CPE: variants seen among roughly 807,000 people sequenced by gnomAD.
CPE encodes the protein carboxypeptidase E.
Under a neutral mutation model 53.5 loss-of-function variants are expected in CPE, and 17 were observed. The ratio of observed to expected loss-of-function variants is 0.32; its 90% CI spans 0.22 to 0.48. The LOEUF (loss-of-function observed/expected upper bound fraction) is 0.48, where lower values mean the gene tolerates loss of function less well. Ranked by LOEUF, CPE falls within the 20% of genes least tolerant of loss-of-function variation. The probability of loss-of-function intolerance (pLI) is 0.99; values close to 1 mark genes in which losing one functional copy is unlikely to be tolerated. For synonymous variants in CPE, 226 were observed against 228.8 expected, an observed-to-expected ratio of 0.99 and a Z score of 0.11; for missense variants, 524 against 614.7, an observed-to-expected ratio of 0.85 and a Z score of 1.56.
chr4:165,420,878 A>G (rs1731199684), intron 1 of CPE, among the ~76,000 whole-genome samples: 1 of 152,156 alleles, frequency 6.6e-6, no homozygotes, highest in Admixed American at 6.5e-5. Flanking sequence ...CTAAAAGTAA[A>G]CTTTGGAGCA....
chr4:165,458,886 A>G (rs185181044), intron 1 of CPE, among the ~76,000 whole-genome samples: 143 of 152,338 alleles, frequency 9.4e-4, no homozygotes, highest in African/African-American at 3.2e-3. Context: ...TTTTCTTTTC[A>G]TAGGAGTGGA....
At chr4:165,405,061 A>G (rs1730930815) in intron 1 of CPE, 4 of 720,044 alleles carry the variant, frequency 5.6e-6, no homozygotes, top group South Asian at 3.1e-5. Flanking sequence ...AACCTTGGTA[A>G]TCAAGCTTCC....
intron 1 of CPE, among the ~76,000 whole-genome samples, chr4:165,449,765 G>C (rs1259454704): frequency 6.6e-6 from 1 of 151,570 alleles, no homozygotes; most frequent in Non-Finnish European, 1.5e-5. Flanking sequence ...TCTGGGTTTG[G>C]GGCACATTGC....
chr4:165,444,091 C>T (rs962345001), intron 1 of CPE, among the ~76,000 whole-genome samples: 1 of 152,108 alleles, frequency 6.6e-6, no homozygotes, highest in Non-Finnish European at 1.5e-5. Flanking sequence ...TTTGTTGTAA[C>T]AGCCTGAATG....
At chr4:165,382,071 A>G (rs1730512189) in intron 1 of CPE, among the ~76,000 whole-genome samples, 1 of 152,350 alleles carries the variant, frequency 6.6e-6, no homozygotes, top group African/African-American at 2.4e-5. Flanking sequence ...AGGCTGCAAG[A>G]TCGGCTTTGG....
rs1027815833 is a variant in CPE at position 165,411,707 on chromosome 4, A to C, written c.307+32179A>C. Among the ~76,000 whole-genome samples the C allele has an allele frequency of 2.0e-5, 3 of 152,208 alleles. No homozygotes were observed. In the South Asian group the frequency reaches 6.2e-4, roughly 31 times the overall value. ...GTGGAATGTAGGGCACATGGCAAAC[A>C]GATCTGGTTTATCTGATCAAGTGAT... On this transcript the variant is annotated intron_variant, in intron 1 of 8. Coordinates refer to ENST00000402744, the MANE Select transcript of CPE (RefSeq NM_001873.4).
At position 165,487,806 on chromosome 4, in the gene CPE, G is replaced by A. The variant is rs115351439; in HGVS notation, c.1113+229G>A. ...AAACTGGAGAGTATACAGAAAAGAC[G>A]TAGACTCTCGTTTCTGTTTGTATTA... On this transcript the variant is annotated intron_variant, in intron 6 of 8. Coordinates refer to ENST00000402744, the MANE Select transcript of CPE (RefSeq NM_001873.4). 7.3e-3 allele frequency among the ~76,000 whole-genome samples: 1,105 copies of A among 152,162 alleles called. 17 individuals are homozygous for A. Among genetic ancestry groups the A allele is most frequent in the African/African-American group, 0.025 (1,036 of 41,504 alleles).
At chr4:165,448,121 A>C (rs1731747772) in intron 1 of CPE, among the ~76,000 whole-genome samples, 1 of 152,172 alleles carries the variant, frequency 6.6e-6, no homozygotes, top group Non-Finnish European at 1.5e-5. Context: ...GTATTTATAA[A>C]AGGAATTGTT....
At chr4:165,442,503 A>G (rs867691026) in intron 1 of CPE, among the ~76,000 whole-genome samples, 13 of 152,206 alleles carry the variant, frequency 8.5e-5, no homozygotes, top group Admixed American at 5.2e-4. Context: ...TGCTAAATTC[A>G]GTTTCCAGAT....
chr4:165,467,983 A>G lies in CPE; in HGVS notation c.672+128A>G. ...GTATGGGGTGGTTAACTGTGGCTTTAAGTCAAGGCTGGAAGGGCTGGTGCC... is the reference window on the plus strand; with the variant it reads ...GTATGGGGTGGTTAACTGTGGCTTTGAGTCAAGGCTGGAAGGGCTGGTGCC... On this transcript the variant is annotated intron_variant, in intron 3 of 8. Coordinates refer to ENST00000402744, the MANE Select transcript of CPE (RefSeq NM_001873.4). 3 of 1,051,770 alleles carry G rather than the reference A, an allele frequency of 2.9e-6. No individual in the cohort carries two copies. The African/African-American group carries it at 5.2e-5, about 18-fold the overall frequency. 65.2% of individuals were successfully genotyped at this position (1,051,770 alleles called of 1,614,324 possible).
intron 3 of CPE, among the ~76,000 whole-genome samples, chr4:165,470,498 C>T (rs192294219): frequency 7.9e-5 from 12 of 152,274 alleles, no homozygotes; most frequent in African/African-American, 2.6e-4. Flanking sequence ...TATGCTTAAG[C>T]CCACTTGCCC....
At chr4:165,406,683 C>T (rs1560872360) in intron 1 of CPE, among the ~76,000 whole-genome samples, 3 of 152,138 alleles carry the variant, frequency 2.0e-5, no homozygotes, top group Admixed American at 6.6e-5. Flanking sequence ...GCAGCCATCA[C>T]CACAATTTTA....
chr4:165,426,736 C>T (rs934796805), intron 1 of CPE, among the ~76,000 whole-genome samples: 4 of 152,134 alleles, frequency 2.6e-5, no homozygotes, highest in Non-Finnish European at 4.4e-5. Context: ...TAATTTGACA[C>T]GGTTAACCCT....
chr4:165,456,397 T>C (rs1731901801), intron 1 of CPE, among the ~76,000 whole-genome samples: 1 of 152,210 alleles, frequency 6.6e-6, no homozygotes, highest in African/African-American at 2.4e-5. Context: ...AAAACAGCTC[T>C]GTATTAATAC....
intron 1 of CPE, among the ~76,000 whole-genome samples, chr4:165,398,766 A>G (rs1221734505): frequency 6.6e-6 from 1 of 152,172 alleles, no homozygotes; most frequent in Admixed American, 6.5e-5. Flanking sequence ...GGCTGTCTGC[A>G]GACTTGCTTG....
At chr4:165,456,367 A>C (rs914684523) in intron 1 of CPE, among the ~76,000 whole-genome samples, 2 of 152,194 alleles carry the variant, frequency 1.3e-5, no homozygotes, top group African/African-American at 4.8e-5. Context: ...AGTTGAATTC[A>C]TAATGATGCA....
chr4:165,430,376 T>TCGAG (rs1182616165), intron 1 of CPE, among the ~76,000 whole-genome samples: 1 of 152,146 alleles, frequency 6.6e-6, no homozygotes, highest in African/African-American at 2.4e-5. Context: ...ATTTTTTGAG[T>TCGAG]TGAGTTTCCA....
intron 1 of CPE, chr4:165,405,503 T>A: frequency 1.1e-6 from 1 of 943,940 alleles, no homozygotes; most frequent in South Asian, 1.3e-5. Flanking sequence ...CTTTCACACT[T>A]TTTCTTCCAC....
At chr4:165,484,334 A>G in intron 4 of CPE, 88 bp from the exon 5 acceptor site, 3 of 1,201,432 alleles carry the variant, frequency 2.5e-6, no homozygotes, top group Non-Finnish European at 3.5e-6. Context: ...CAACAATACA[A>G]TTACTCAATA....
Sources: allele counts gnomAD v4.1 joint callset (sites outside exome capture counted in the v4.1 genomes callset), GRCh38; gene constraint gnomAD v4.1.1; transcripts MANE v1.5; gene names NCBI Gene and HGNC (gene_info 2026-07-23, HGNC 2026-07-21).